DISP1: variants seen among roughly 807,000 people sequenced by gnomAD.
DISP1 encodes dispatched RND transporter family member 1, also known as protein dispatched homolog 1.
Under a neutral mutation model 37.3 loss-of-function variants are expected in DISP1, and 30 were observed. The ratio of observed to expected loss-of-function variants is 0.80; its 90% CI spans 0.60 to 1.09. The LOEUF (loss-of-function observed/expected upper bound fraction) is 1.09, where lower values mean the gene tolerates loss of function less well. Among genes scored for constraint, DISP1 ranks in the 50% least tolerant of loss-of-function variants. DISP1 has a pLI of 0.00. For missense variants in DISP1, 1,598 were observed against 1,879.5 expected (o/e 0.85, Z 2.77); for synonymous variants, 634 against 690.2 (o/e 0.92, Z 1.28).
intron 1 of DISP1, among the ~76,000 whole-genome samples, chr1:222,862,070 T>C (rs1027922515): frequency 1.3e-5 from 2 of 151,194 alleles, no homozygotes; most frequent in Admixed American, 6.6e-5. Context: ...GGTAGGAATC[T>C]GTGTTCTGCT....
rs115649688 is a variant in DISP1, at chr1:222,877,628, G to A, written c.-158-50802G>A. 3.0e-3 allele frequency among the ~76,000 whole-genome samples: 461 copies of A among 152,332 alleles called. 2 individuals carry two copies. The highest frequency in any genetic ancestry group is 0.01 in the African/African-American group (435 of 41,576). Reference sequence around the variant, plus strand: ...ACTGGGAATAAAATGTGAGCAACACGGGCATTGTCCTGCCTGTATATGACT... The same window carrying A: ...ACTGGGAATAAAATGTGAGCAACACAGGCATTGTCCTGCCTGTATATGACT... On this transcript the variant is annotated intron_variant, in intron 1 of 8. Coordinates refer to ENST00000675850, the MANE Select transcript of DISP1 (RefSeq NM_001377229.1).
intron 1 of DISP1, among the ~76,000 whole-genome samples, chr1:222,867,463 A>G (rs984591747): frequency 3.3e-5 from 5 of 152,084 alleles, no homozygotes; most frequent in African/African-American, 1.2e-4. Context: ...TTCTTTTAAT[A>G]TTGTTCATGT....
intron 2 of DISP1, among the ~76,000 whole-genome samples, chr1:222,940,297 T>C (rs1189892968): frequency 6.6e-6 from 1 of 152,100 alleles, no homozygotes; most frequent in Non-Finnish European, 1.5e-5. Context: ...AAGGGGAAGC[T>C]GGCCAGAGAA....
rs940346379 is a variant in DISP1, at chr1:222,887,486, G to GTTTTTTTTTTTT, written c.-158-40932_-158-40921dup. Among the ~76,000 whole-genome samples, 26 of 83,102 alleles carry GTTTTTTTTTTTT rather than the reference G, an allele frequency of 3.1e-4. 2 individuals are homozygous for GTTTTTTTTTTTT. Among genetic ancestry groups the GTTTTTTTTTTTT allele is most frequent in the South Asian group, 4.5e-4 (1 of 2,200 alleles). 54.5% of individuals were successfully genotyped at this position (83,102 alleles called of 152,430 possible). On this transcript the variant is annotated intron_variant, in intron 1 of 8. Coordinates refer to ENST00000675850, the MANE Select transcript of DISP1 (RefSeq NM_001377229.1). ...AATTTATAAATGTCACATTGTTTTT[G>GTTTTTTTTTTTT]TTTTTTTTTTTTTTTTTTTTTTTGA...
At position 222,967,762 on chromosome 1, in the gene DISP1, G is replaced by T. The variant is rs776452658; in HGVS notation, c.510-15318G>T. On this transcript the variant is annotated intron_variant, in intron 3 of 8. Transcript: ENST00000675850. ...TGTAAGAAAGATCTATATGCACAAG[G>T]AAAGCATACGGGAGTCTTGGTGTTC... is the stretch of plus-strand genomic sequence containing the variant. Among the ~76,000 whole-genome samples the T allele has an allele frequency of 1.1e-4, 17 of 152,294 alleles. No individual in the cohort carries two copies. In the Middle Eastern group the frequency reaches 0.01, roughly 92 times the overall value.
chr1:222,997,252 A>G (rs1437735277), intron 8 of DISP1, among the ~76,000 whole-genome samples: 1 of 152,168 alleles, frequency 6.6e-6, no homozygotes, highest in African/African-American at 2.4e-5. Flanking sequence ...CACACCCCAC[A>G]ATCTTGTACA....
At chr1:222,956,324 G>A (rs191762098) in intron 3 of DISP1, among the ~76,000 whole-genome samples, 26 of 152,288 alleles carry the variant, frequency 1.7e-4, no homozygotes, top group Middle Eastern at 3.4e-3. Context: ...GAAGGAACAA[G>A]GTGACAGATC....
intron 8 of DISP1, among the ~76,000 whole-genome samples, chr1:222,997,023 C>CCT (rs1202076194): frequency 5.5e-4 from 83 of 150,238 alleles, no homozygotes; most frequent in Admixed American, 2.0e-3. Context: ...TCTCATCTCT[C>CCT]CTCTCTCTCT....
chr1:222,991,500 C>G lies in DISP1; in HGVS notation c.664-20C>G, dbSNP rs1472139214. 1 of 1,613,482 alleles carries G rather than the reference C, an allele frequency of 6.2e-7. No individual in the cohort carries two copies. The highest frequency in any genetic ancestry group is 2.2e-5 in the East Asian group (1 of 44,780). Reference sequence around the variant, plus strand: ...GCCTGAAATGAAATATACTAATGAGCACCTGTAATTTTGCCTTAGGGTTTT... The same window carrying G: ...GCCTGAAATGAAATATACTAATGAGGACCTGTAATTTTGCCTTAGGGTTTT... On this transcript the variant is annotated intron_variant, in intron 5 of 8. Coordinates refer to ENST00000675850, the MANE Select transcript of DISP1 (RefSeq NM_001377229.1).
chr1:222,928,951 C>T (rs1673234135), intron 2 of DISP1, among the ~76,000 whole-genome samples: 1 of 152,008 alleles, frequency 6.6e-6, no homozygotes, highest in South Asian at 2.1e-4. Flanking sequence ...CTTGCCATTA[C>T]CAGGTGATAG....
intron 1 of DISP1, among the ~76,000 whole-genome samples, chr1:222,914,341 T>A (rs951317760): frequency 3.9e-5 from 6 of 152,040 alleles, no homozygotes; most frequent in African/African-American, 1.4e-4. Flanking sequence ...TCAGAAAAAA[T>A]TTTTTTGTGT....
At chr1:222,999,617 G>A (rs1048078872) in intron 8 of DISP1, among the ~76,000 whole-genome samples, 9 of 152,096 alleles carry the variant, frequency 5.9e-5, no homozygotes, top group African/African-American at 2.2e-4. Flanking sequence ...TGATTTCCCT[G>A]CCACACTGTG....
At position 223,005,352 on chromosome 1, in the gene DISP1, C is replaced by T; in HGVS notation, c.3955C>T (p.His1319Tyr). The T allele has an allele frequency of 6.2e-7, 1 of 1,613,634 alleles. No individual in the cohort carries two copies. Among genetic ancestry groups the T allele is most frequent in the Non-Finnish European group, 8.5e-7 (1 of 1,180,042 alleles). ...QNGVAPLKAT[H>Y]QAVEGFVHPI... Reference sequence around the variant, plus strand: ...CGGCGTGGCACCTCTGAAGGCCACACACCAAGCTGTCGAGGGCTTTGTGCA... The same window carrying T: ...CGGCGTGGCACCTCTGAAGGCCACATACCAAGCTGTCGAGGGCTTTGTGCA... The change falls in exon 9 of 9, where the codon CAC (histidine) becomes TAC (tyrosine). Residue 1319 changes from histidine to tyrosine, a missense_variant. Coordinates refer to ENST00000675850, the MANE Select transcript of DISP1 (RefSeq NM_001377229.1).
chr1:222,836,762 T>TACAC (rs545136268), intron 1 of DISP1, among the ~76,000 whole-genome samples: 143 of 147,550 alleles, frequency 9.7e-4, no homozygotes, highest in African/African-American at 3.0e-3. Flanking sequence ...TATATATATA[T>TACAC]ACACACACAC....
intron 2 of DISP1, among the ~76,000 whole-genome samples, chr1:222,938,440 T>C (rs1674130129): frequency 6.6e-6 from 1 of 151,722 alleles, no homozygotes; most frequent in Non-Finnish European, 1.5e-5. Flanking sequence ...ATCTCAGTTC[T>C]AAAGAAAAAG....
chr1:222,820,962 T>G (rs1023327147), intron 1 of DISP1, among the ~76,000 whole-genome samples: 10 of 152,148 alleles, frequency 6.6e-5, no homozygotes, highest in African/African-American at 2.4e-4. Context: ...TTTTTAAACT[T>G]ATTTTATTTT....
rs1674522953 is a variant in DISP1 at position 222,943,332 on chromosome 1, G to A, written c.509G>A (p.Arg170Lys). 6.2e-7 allele frequency: 1 copy of A among 1,614,072 alleles called. No homozygotes were observed. Among genetic ancestry groups the A allele is most frequent in the African/African-American group, 1.3e-5 (1 of 74,934 alleles). Residue 170 changes from arginine (R) to lysine (K), a missense_variant and splice_region_variant, in exon 3 of 9, where the codon AGA (arginine) becomes AAA (lysine). Transcript: ENST00000675850. ...QPVQQHIANI[R>K]PSRPFKLPKS... is the part of the protein sequence containing the mutation. ...GTGCAACAGCACATAGCCAACATAA[G>A]GTAAGTGATCCGAAAGTTTTGCTTT...
At chr1:222,846,736 C>T (rs1428468976) in intron 1 of DISP1, among the ~76,000 whole-genome samples, 1 of 152,236 alleles carries the variant, frequency 6.6e-6, no homozygotes, top group Non-Finnish European at 1.5e-5. Context: ...TATGATTCTC[C>T]ATTGTGATGA....
intron 3 of DISP1, among the ~76,000 whole-genome samples, chr1:222,964,253 C>T (rs1416625849): frequency 1.3e-5 from 2 of 149,868 alleles, no homozygotes; most frequent in Non-Finnish European, 3.0e-5. Flanking sequence ...AAACCAAGAT[C>T]GCACCACTGC....
Sources: gnomAD v4.1 joint callset for allele counts (sites outside exome capture counted in the v4.1 genomes callset) on GRCh38, gnomAD v4.1.1 for gene constraint, MANE v1.5 for transcripts, NCBI Gene and HGNC (gene_info 2026-07-23, HGNC 2026-07-21) for gene names.